The following ENTREP2 variants were observed in gnomAD, a reference collection of about 807,000 sequenced individuals.
ENTREP2 encodes endosomal transmembrane epsin interactor 2.
chr15:29,182,227 C>T, the ENTREP2 span, among the ~76,000 whole-genome samples: 1 of 151,722 alleles, frequency 6.6e-6, no homozygotes, highest in Non-Finnish European at 1.5e-5. Flanking sequence ...TGGGTTCATG[C>T]CATTCTCCTG....
chr15:29,180,298 T>G, the ENTREP2 span, among the ~76,000 whole-genome samples: 1 of 152,204 alleles, frequency 6.6e-6, no homozygotes, highest in Non-Finnish European at 1.5e-5. Flanking sequence ...AAATCTCAAC[T>G]AACACCAAAG....
the ENTREP2 span, among the ~76,000 whole-genome samples, chr15:29,670,553 A>G: frequency 6.6e-6 from 1 of 152,208 alleles, no homozygotes; most frequent in African/African-American, 2.4e-5. Flanking sequence ...CATTCAGGGC[A>G]CTGTTGTCCC....
the ENTREP2 span, among the ~76,000 whole-genome samples, chr15:29,479,557 C>T: frequency 6.6e-6 from 1 of 152,044 alleles, no homozygotes; most frequent in African/African-American, 2.4e-5. Context: ...ACCTGCTCCC[C>T]ACTACTCCAC....
chr15:29,158,224 A>G, the ENTREP2 span, among the ~76,000 whole-genome samples: 2 of 152,212 alleles, frequency 1.3e-5, no homozygotes, highest in Admixed American at 6.5e-5. Context: ...TTGCATACGC[A>G]TCATGAGGCA....
chr15:29,209,852 A>G, the ENTREP2 span, among the ~76,000 whole-genome samples: 1 of 152,108 alleles, frequency 6.6e-6, no homozygotes, highest in Non-Finnish European at 1.5e-5. Context: ...CCCTCAGAGC[A>G]CAAACTGCTC....
chr15:29,498,980 T>G, the ENTREP2 span, among the ~76,000 whole-genome samples: 8 of 152,204 alleles, frequency 5.3e-5, no homozygotes, highest in Non-Finnish European at 1.0e-4. Context: ...TGCTCTCTTT[T>G]GGTTTCCATT....
At chr15:29,251,674 T>C in the ENTREP2 span, among the ~76,000 whole-genome samples, 1 of 151,412 alleles carries the variant, frequency 6.6e-6, no homozygotes, top group African/African-American at 2.4e-5. Context: ...GCACACTGTC[T>C]ACAATTTTCT....
At chr15:29,445,983 C>T in the ENTREP2 span, among the ~76,000 whole-genome samples, 1 of 152,116 alleles carries the variant, frequency 6.6e-6, no homozygotes, top group African/African-American at 2.4e-5. Flanking sequence ...ATCTGGGCGA[C>T]CAGAGAAGCA....
the ENTREP2 span, among the ~76,000 whole-genome samples, chr15:29,588,505 AGAGG>A: frequency 0.023 from 3,010 of 130,246 alleles, 112 homozygotes; most frequent in African/African-American, 0.083. Context: ...AGAGAGAGAG[AGAGG>A]GAGGGAGGGA....
the ENTREP2 span, among the ~76,000 whole-genome samples, chr15:29,197,796 C>T: frequency 6.6e-6 from 1 of 151,860 alleles, no homozygotes; most frequent in East Asian, 1.9e-4. Flanking sequence ...AAAATCTATG[C>T]AATTTTATTC....
At chr15:29,657,891 T>C in the ENTREP2 span, among the ~76,000 whole-genome samples, 1 of 152,132 alleles carries the variant, frequency 6.6e-6, no homozygotes, top group Non-Finnish European at 1.5e-5. Flanking sequence ...TAATGAAATA[T>C]TACTCAGCAG....
the ENTREP2 span, among the ~76,000 whole-genome samples, chr15:29,649,652 G>A: frequency 6.7e-6 from 1 of 149,944 alleles, no homozygotes; most frequent in Non-Finnish European, 1.5e-5. Context: ...CCTGGGAGAT[G>A]GAAGTTGCAG....
chr15:29,662,516 T>C, the ENTREP2 span, among the ~76,000 whole-genome samples: 5,904 of 152,184 alleles, frequency 0.039, 166 homozygotes, highest in Non-Finnish European at 0.057. Flanking sequence ...TTTGTGTCAT[T>C]CTTGACAGGT....
the ENTREP2 span, among the ~76,000 whole-genome samples, chr15:29,219,614 A>AATATATATATATAT: frequency 2.4e-3 from 91 of 38,328 alleles, 9 homozygotes; most frequent in Non-Finnish European, 3.4e-3. Context: ...GTGGTGCATA[A>AATATATATATATAT]ATATATATAT....
chr15:29,202,566 C>CCGT, the ENTREP2 span, among the ~76,000 whole-genome samples: 2 of 151,940 alleles, frequency 1.3e-5, no homozygotes, highest in African/African-American at 4.8e-5. Context: ...TCTGCTGCAC[C>CCGT]CGTCAACCCA....
chr15:29,134,411 G>A, the ENTREP2 span, among the ~76,000 whole-genome samples: 1 of 152,160 alleles, frequency 6.6e-6, no homozygotes, highest in Admixed American at 6.5e-5. Context: ...AGCCTGCCTG[G>A]CTGCTCCAGG....
the ENTREP2 span, among the ~76,000 whole-genome samples, chr15:29,287,042 C>T: frequency 1.3e-5 from 2 of 152,198 alleles, no homozygotes; most frequent in Non-Finnish European, 2.9e-5. Context: ...CAAGATGGCA[C>T]CAGCCCATTC....
chr15:29,471,143 G>A, the ENTREP2 span, among the ~76,000 whole-genome samples: 1 of 152,166 alleles, frequency 6.6e-6, no homozygotes, highest in African/African-American at 2.4e-5. Flanking sequence ...CCTGGGTGGG[G>A]AGTTGCTAAG....
chr15:29,429,829 G>C, the ENTREP2 span, among the ~76,000 whole-genome samples: 689 of 152,332 alleles, frequency 4.5e-3, 3 homozygotes, highest in Non-Finnish European at 8.2e-3. Flanking sequence ...GCACCTCCAT[G>C]ATGGGGTGAG....
Sources: gnomAD v4.1 joint callset for allele counts (sites outside exome capture counted in the v4.1 genomes callset) on GRCh38, gnomAD v4.1.1 for gene constraint, MANE v1.5 for transcripts, NCBI Gene and HGNC (gene_info 2026-07-23, HGNC 2026-07-21) for gene names.